Variants in PPM1B observed in about 807,000 individuals in gnomAD.
PPM1B encodes the protein protein phosphatase, Mg2+/Mn2+ dependent 1B, also known as protein phosphatase 1B.
PPM1B carries 22 observed loss-of-function variants against 43.0 expected under a neutral mutation model. The observed-to-expected ratio is 0.51, with a 90% CI of 0.37 to 0.73. The LOEUF (loss-of-function observed/expected upper bound fraction) is 0.73, where lower values mean the gene tolerates loss of function less well. Ranked by LOEUF, PPM1B falls within the 30% of genes least tolerant of loss-of-function variation. The probability of loss-of-function intolerance (pLI) is 0.00; values close to 1 mark genes in which losing one functional copy is unlikely to be tolerated. For missense variants in PPM1B, 632 were observed against 584.2 expected (o/e 1.08, Z -0.84); for synonymous variants, 217 against 197.9 (o/e 1.10, Z -0.81).
chr2:44,235,925 TAAAAA>T (rs199501207), downstream of PPM1B, among the ~76,000 whole-genome samples: 4 of 151,628 alleles, frequency 2.6e-5, no homozygotes, highest in African/African-American at 7.3e-5. Flanking sequence ...TCTTTTATAT[TAAAAA>T]AAACTCAAAT....
In PPM1B at chr2:44,231,167, G is replaced by C. The variant is rs1222759258; in HGVS notation, c.*449G>C. Reference sequence around the variant, plus strand: ...AATAATTTTAGTTCTTCAAAGAATGGCTGATGCTGGCCTGTAATTTTTCTT... The same window carrying C: ...AATAATTTTAGTTCTTCAAAGAATGCCTGATGCTGGCCTGTAATTTTTCTT... On this transcript the variant is annotated 3_prime_UTR_variant, in exon 6 of 6. Coordinates refer to ENST00000282412, the MANE Select transcript of PPM1B (RefSeq NM_002706.6). 8.1e-6 allele frequency: 8 copies of C among 982,050 alleles called. No individual in the cohort carries two copies. The highest frequency in any genetic ancestry group is 9.7e-6 in the Non-Finnish European group (8 of 826,890). 60.8% of individuals were successfully genotyped at this position (982,050 alleles called of 1,614,324 possible).
At chr2:44,198,758 A>G (rs1203312716) in intron 1 of PPM1B, among the ~76,000 whole-genome samples, 3 of 152,198 alleles carry the variant, frequency 2.0e-5, no homozygotes, top group East Asian at 1.9e-4. Flanking sequence ...GACCAGACCT[A>G]TGTGCAGTCT....
At chr2:44,233,796 A>C, downstream of PPM1B, 1 of 985,588 alleles carries the variant, frequency 1.0e-6, no homozygotes, top group African/African-American at 1.7e-5. Context: ...AATTATTGCC[A>C]CAATATATTT....
chr2:44,209,553 G>A (rs1572727263), intron 3 of PPM1B: 3 of 404,044 alleles, frequency 7.4e-6, no homozygotes, highest in East Asian at 4.6e-5. Context: ...AGGCTGAGGC[G>A]GGCAGATCAT....
intron 1 of PPM1B, among the ~76,000 whole-genome samples, chr2:44,179,297 C>T (rs892067904): frequency 2.0e-5 from 3 of 152,190 alleles, no homozygotes; most frequent in African/African-American, 7.2e-5. Context: ...TTGGGTATGT[C>T]TTTATCTGCA....
At chr2:44,172,658 G>C (rs1025759720) in intron 1 of PPM1B, among the ~76,000 whole-genome samples, 4 of 152,134 alleles carry the variant, frequency 2.6e-5, no homozygotes, top group Non-Finnish European at 4.4e-5. Context: ...CGGGCACAGT[G>C]GCTCACTCCT....
chr2:44,182,968 C>T (rs952908914), intron 1 of PPM1B, among the ~76,000 whole-genome samples: 5 of 152,016 alleles, frequency 3.3e-5, no homozygotes, highest in East Asian at 1.9e-4. Flanking sequence ...TATATTGGTC[C>T]CTTTGCATGA....
intron 1 of PPM1B, among the ~76,000 whole-genome samples, chr2:44,181,859 G>A (rs1667889871): frequency 6.6e-6 from 1 of 152,188 alleles, no homozygotes; most frequent in African/African-American, 2.4e-5. Context: ...GCATCAGAGG[G>A]CAGATACTGT....
intron 1 of PPM1B, among the ~76,000 whole-genome samples, chr2:44,185,043 C>A (rs1051555071): frequency 1.3e-5 from 2 of 150,516 alleles, no homozygotes; most frequent in African/African-American, 4.9e-5. Context: ...TTGATAATGA[C>A]TTTAATATTA....
downstream of PPM1B, among the ~76,000 whole-genome samples, chr2:44,236,657 G>A (rs139205275): frequency 1.7e-3 from 254 of 152,158 alleles, no homozygotes; most frequent in African/African-American, 5.9e-3. Flanking sequence ...TGGAAAATAC[G>A]CAAACCAGAG....
At chr2:44,199,304 AAAAAAAAAAAAAATAAAAAT>A (rs1668812703) in intron 1 of PPM1B, among the ~76,000 whole-genome samples, 2 of 120,998 alleles carry the variant, frequency 1.7e-5, no homozygotes, top group Non-Finnish European at 3.4e-5. Context: ...TGTAGATCTC[AAAAAAAAAAAAAATAAAAAT>A]AAAAAAAAAA....
intron 1 of PPM1B, among the ~76,000 whole-genome samples, chr2:44,170,506 A>G (rs754029583): frequency 6.6e-5 from 10 of 152,228 alleles, no homozygotes; most frequent in African/African-American, 2.4e-4. Context: ...TAACACAGGA[A>G]CTGTCTTTAT....
chr2:44,234,170 G>A, downstream of PPM1B: 1 of 980,060 alleles, frequency 1.0e-6, no homozygotes, highest in Non-Finnish European at 1.2e-6. Context: ...TAACCAAACT[G>A]TACAGGACAA....
intron 1 of PPM1B, among the ~76,000 whole-genome samples, chr2:44,176,493 C>T (rs746206739): frequency 6.6e-6 from 1 of 151,964 alleles, no homozygotes; most frequent in Non-Finnish European, 1.5e-5. Context: ...ATCACTGCTT[C>T]TCCTTCCATA....
At chr2:44,219,396 A>T (rs573789750) in intron 5 of PPM1B, among the ~76,000 whole-genome samples, 266 of 152,234 alleles carry the variant, frequency 1.7e-3, no homozygotes, top group Middle Eastern at 0.014. Context: ...TGAGAGAGAG[A>T]GTATCCATTG....
chr2:44,187,599 A>G (rs187382478), intron 1 of PPM1B, among the ~76,000 whole-genome samples: 14 of 152,332 alleles, frequency 9.2e-5, no homozygotes, highest in Middle Eastern at 3.4e-3. Context: ...CTCTCCGCCA[A>G]GCAGTAGGCT....
intron 3 of PPM1B, among the ~76,000 whole-genome samples, chr2:44,213,506 A>G (rs751146464): frequency 2.6e-4 from 40 of 152,172 alleles, no homozygotes; most frequent in Non-Finnish European, 5.3e-4. Context: ...TGAAGTGTGA[A>G]GATGTGTGAT....
At chr2:44,224,471 A>G (rs1011766854) in intron 5 of PPM1B, among the ~76,000 whole-genome samples, 4 of 151,990 alleles carry the variant, frequency 2.6e-5, no homozygotes, top group Non-Finnish European at 5.9e-5. Context: ...AAAAAAAAAA[A>G]AAAAGAATTT....
downstream of PPM1B, among the ~76,000 whole-genome samples, chr2:44,245,114 A>C (rs57762425): frequency 2.7e-3 from 403 of 152,016 alleles, 3 homozygotes; most frequent in African/African-American, 8.9e-3. Context: ...CACACCAAAA[A>C]CACACACACA....
Sources: gnomAD v4.1 joint callset for allele counts (sites outside exome capture counted in the v4.1 genomes callset) on GRCh38, gnomAD v4.1.1 for gene constraint, MANE v1.5 for transcripts, NCBI Gene and HGNC (gene_info 2026-07-23, HGNC 2026-07-21) for gene names.